The following MTMR3 variants were observed in gnomAD, a reference collection of about 807,000 sequenced individuals.
MTMR3 encodes phosphatidylinositol-3,5-bisphosphate 3-phosphatase MTMR3.
A neutral mutation model predicts 132.4 loss-of-function variants in MTMR3; 32 were observed. The observed-to-expected ratio is 0.24, with a 90% CI of 0.18 to 0.32. MTMR3 has a LOEUF of 0.32. Ranked by LOEUF, MTMR3 falls within the 10% of genes least tolerant of loss-of-function variation. The probability of loss-of-function intolerance (pLI) is 1.00; values close to 1 mark genes in which losing one functional copy is unlikely to be tolerated. For missense variants in MTMR3, 1,216 were observed against 1,489.6 expected, an observed-to-expected ratio of 0.82 and a Z score of 3.02; for synonymous variants, 556 against 550.3, an observed-to-expected ratio of 1.01 and a Z score of -0.14.
intron 1 of MTMR3, among the ~76,000 whole-genome samples, chr22:29,887,719 G>A (rs1010275218): frequency 6.6e-6 from 1 of 152,184 alleles, no homozygotes; most frequent in Non-Finnish European, 1.5e-5. Context: ...GGTAGAAGGT[G>A]GTAGGAGCAA....
At chr22:29,944,121 C>T (rs187616212) in intron 1 of MTMR3, among the ~76,000 whole-genome samples, 3 of 152,006 alleles carry the variant, frequency 2.0e-5, no homozygotes, top group Admixed American at 6.6e-5. Flanking sequence ...ATCCGGCCTC[C>T]GTGTGGACAA....
intron 2 of MTMR3, among the ~76,000 whole-genome samples, chr22:29,965,892 G>A (rs2051764): frequency 0.74 from 112,258 of 151,976 alleles, 41,590 homozygotes; most frequent in East Asian, 0.91. Flanking sequence ...TCTGAAAGAC[G>A]TAACAGTGCA....
chr22:29,909,260 G>C (rs2065161650), intron 1 of MTMR3, among the ~76,000 whole-genome samples: 1 of 152,060 alleles, frequency 6.6e-6, no homozygotes, highest in South Asian at 2.1e-4. Context: ...TGAGAACACA[G>C]ATTATTTGCC....
chr22:29,966,311 C>T (rs755917061), intron 2 of MTMR3, among the ~76,000 whole-genome samples: 4 of 152,124 alleles, frequency 2.6e-5, no homozygotes, highest in Non-Finnish European at 4.4e-5. Context: ...AGTATGTGGT[C>T]AGATTTCCCT....
rs768649894 is a variant in MTMR3 at position 30,019,963 on chromosome 22, G to A, written c.2304G>A (p.Gln768=). 8.8e-5 allele frequency: 142 copies of A among 1,614,222 alleles called. 1 individual carries two copies. The South Asian group carries it at 1.4e-3, about 16-fold the overall frequency. Residue 768 remains glutamine (Q), a synonymous_variant, in exon 17 of 20, where the codon CAG becomes CAA. Coordinates refer to ENST00000401950, the MANE Select transcript of MTMR3 (RefSeq NM_021090.4). ...TGTTCTCACAGGGCATTTCTGAACA[G>A]CAGAGTGGGCTCAGTGTTCTCCTCA... The part of the protein sequence containing the change: ...WPLFSQGISE[Q]QSGLSVLLSS...
At chr22:29,887,602 A>G (rs1012358606) in intron 1 of MTMR3, among the ~76,000 whole-genome samples, 5 of 152,192 alleles carry the variant, frequency 3.3e-5, no homozygotes, top group African/African-American at 1.2e-4. Flanking sequence ...AATAGTCACA[A>G]TGTTGCAGGG....
At chr22:29,978,584 A>G in intron 4 of MTMR3, 53 bp downstream of exon 4, 2 of 1,384,854 alleles carry the variant, frequency 1.4e-6, no homozygotes, top group Admixed American at 3.5e-5. Flanking sequence ...TTAACTGTAT[A>G]GCAGAGTTAA....
intron 2 of MTMR3, among the ~76,000 whole-genome samples, chr22:29,960,253 G>T (rs73883346): frequency 0.011 from 1,632 of 152,248 alleles, 34 homozygotes; most frequent in African/African-American, 0.038. Flanking sequence ...GAATATTGCT[G>T]TGAAGGATAA....
chr22:29,997,731 C>T (rs975071295), intron 7 of MTMR3: 3 of 152,150 alleles, frequency 2.0e-5, no homozygotes, highest in Non-Finnish European at 4.4e-5. Flanking sequence ...TGTTAACCTG[C>T]CATCATCTAA....
intron 1 of MTMR3, among the ~76,000 whole-genome samples, chr22:29,884,111 A>T (rs2064613793): frequency 6.6e-6 from 1 of 151,832 alleles, no homozygotes; most frequent in Non-Finnish European, 1.5e-5. Context: ...ACATTAATAG[A>T]CTCCCCTGGA....
intron 1 of MTMR3, among the ~76,000 whole-genome samples, chr22:29,888,477 A>G (rs962260529): frequency 2.6e-5 from 4 of 152,250 alleles, no homozygotes; most frequent in African/African-American, 4.8e-5. Context: ...GAAAACAAAA[A>G]GAAAATTGTG....
intron 3 of MTMR3, among the ~76,000 whole-genome samples, chr22:29,977,589 C>T (rs1176597780): frequency 1.3e-5 from 2 of 152,046 alleles, no homozygotes; most frequent in Admixed American, 6.6e-5. Flanking sequence ...AAATTGTTTT[C>T]AAGCTTTCTA....
In MTMR3 at chr22:30,020,144, C is replaced by T; in HGVS notation, c.2485C>T (p.Leu829=). 1 of 1,614,252 alleles carries T rather than the reference C, an allele frequency of 6.2e-7. No homozygotes were observed. The highest frequency in any genetic ancestry group is 2.2e-5 in the East Asian group (1 of 44,878). The change falls in exon 17 of 20, where the codon CTA becomes TTA. Residue 829 remains leucine, a synonymous_variant. Coordinates refer to ENST00000401950, the MANE Select transcript of MTMR3 (RefSeq NM_021090.4). ...GYGTSQSCSL[L]PSQVPFETRG... ...TGGTACCTCACAGTCATGTTCTCTG[C>T]TACCTTCCCAAGTCCCTTTTGAGAC...
intron 1 of MTMR3, among the ~76,000 whole-genome samples, chr22:29,925,194 G>A (rs2065491264): frequency 6.6e-6 from 1 of 152,140 alleles, no homozygotes; most frequent in Non-Finnish European, 1.5e-5. Context: ...CACTATGCCT[G>A]GCTAGTTTTA....
chr22:30,006,812 C>T, intron 9 of MTMR3: 1 of 328,766 alleles, frequency 3.0e-6, no homozygotes, highest in Non-Finnish European at 5.8e-6. Context: ...CCTCCTGCCT[C>T]AGCCTCTCAA....
chr22:29,967,414 A>G (rs556966630), intron 2 of MTMR3, among the ~76,000 whole-genome samples: 2 of 148,948 alleles, frequency 1.3e-5, no homozygotes, highest in African/African-American at 4.9e-5. Flanking sequence ...TTTTTTTTTC[A>G]GTAGAGACAG....
intron 3 of MTMR3, among the ~76,000 whole-genome samples, chr22:29,976,121 T>G (rs1413583404): frequency 5.6e-5 from 2 of 35,636 alleles, no homozygotes; most frequent in African/African-American, 9.3e-5. Flanking sequence ...ATAGTGTGTG[T>G]TTTTTTTTTT....
intron 1 of MTMR3, among the ~76,000 whole-genome samples, chr22:29,909,838 G>A (rs975537747): frequency 9.9e-5 from 15 of 152,110 alleles, no homozygotes; most frequent in African/African-American, 3.6e-4. Context: ...GCCTCAGATC[G>A]AGCTTGAAAG....
At chr22:30,003,334 T>A in intron 9 of MTMR3, 1 of 177,476 alleles carries the variant, frequency 5.6e-6, no homozygotes. Flanking sequence ...GATTGAGAGA[T>A]GAGTCTTAGA....
Sources: gnomAD v4.1 joint callset for allele counts (sites outside exome capture counted in the v4.1 genomes callset) on GRCh38, gnomAD v4.1.1 for gene constraint, MANE v1.5 for transcripts, NCBI Gene and HGNC (gene_info 2026-07-23, HGNC 2026-07-21) for gene names.